Variants in SEC61G observed in about 807,000 individuals in gnomAD.
SEC61G encodes the protein SEC61 translocon subunit gamma.
Under a neutral mutation model 7.5 loss-of-function variants are expected in SEC61G, and 4 were observed. The ratio of observed to expected loss-of-function variants is 0.54; its 90% CI spans 0.26 to 1.22. The LOEUF is 1.22. SEC61G is among the 50% of genes most tolerant of loss of function. SEC61G has a pLI of 0.12. For missense variants in SEC61G, 53 were observed against 84.6 expected (o/e 0.63, Z 1.46); for synonymous variants, 24 against 24.4 (o/e 0.98, Z 0.05).
Position 54,755,898 on chromosome 7 carries a change from G to A in SEC61G, c.95-17C>T, listed in dbSNP as rs368364073. 150 of 1,506,878 alleles carry A rather than the reference G, an allele frequency of 1.0e-4. No individual in the cohort carries two copies. The African/African-American group carries it at 1.9e-3, about 19-fold the overall frequency. The allele number at this position is 1,506,878 out of a possible 1,614,324, so 93.3% of individuals were successfully genotyped here. ...TCTGGAATTCTGCATTTAAAAACAGGAAATTCACATATTTTTTGCACTGTC... is the reference window on the plus strand; with the variant it reads ...TCTGGAATTCTGCATTTAAAAACAGAAAATTCACATATTTTTTGCACTGTC... On this transcript the variant is annotated splice_polypyrimidine_tract_variant and intron_variant, in intron 2 of 3. Coordinates refer to ENST00000352861, the MANE Select transcript of SEC61G (RefSeq NM_014302.4).
chr7:54,752,985 C>T (rs979750027), intron 3 of SEC61G, among the ~76,000 whole-genome samples: 1 of 152,084 alleles, frequency 6.6e-6, no homozygotes, highest in Admixed American at 6.6e-5. Flanking sequence ...AATTCCATTA[C>T]CAGAAGAAAA....
intron 1 of SEC61G, among the ~76,000 whole-genome samples, chr7:54,758,150 T>C (rs1056053499): frequency 3.3e-5 from 5 of 152,212 alleles, no homozygotes; most frequent in African/African-American, 1.2e-4. Context: ...AACATACTTT[T>C]CTAAAGTATA....
At chr7:54,759,128 G>A in intron 1 of SEC61G, 30 bp downstream of exon 1, 2 of 516,954 alleles carry the variant, frequency 3.9e-6, no homozygotes, top group Non-Finnish European at 3.9e-6. Context: ...CGCCCCGTTC[G>A]CCCGTACCGA....
rs1791430303 is a variant in SEC61G, at chr7:54,752,337, T to C, written c.*74A>G. ...CCCACAAAACATACAGGCAAATTTG[T>C]ATTCTGTGAGTTTCTCACACCCTCA... On this transcript the variant is annotated 3_prime_UTR_variant, in exon 4 of 4. Transcript: ENST00000352861. 2.6e-5 allele frequency: 26 copies of C among 1,011,872 alleles called. No individual in the cohort carries two copies. The South Asian group carries it at 4.8e-4, about 19-fold the overall frequency. 62.7% of individuals were successfully genotyped at this position (1,011,872 alleles called of 1,614,324 possible). A position where few individuals can be genotyped will look rare whatever the true frequency, so the allele number is the denominator to read the frequency against.
chr7:54,756,905 A>G (rs2709287), intron 2 of SEC61G, among the ~76,000 whole-genome samples: 1 of 148,560 alleles, frequency 6.7e-6, no homozygotes, highest in African/African-American at 2.4e-5. Context: ...CTTTACTATA[A>G]TATATACATG....
At chr7:54,756,832 T>G (rs1791523869) in intron 2 of SEC61G, among the ~76,000 whole-genome samples, 1 of 151,580 alleles carries the variant, frequency 6.6e-6, no homozygotes. Flanking sequence ...ATAACCGCAA[T>G]AATTTGTTTA....
chr7:54,757,769 T>C (rs1361282132), intron 1 of SEC61G, among the ~76,000 whole-genome samples, 175 bp from the exon 2 acceptor site: 1 of 152,216 alleles, frequency 6.6e-6, no homozygotes, highest in Non-Finnish European at 1.5e-5. Flanking sequence ...ATATTATTTT[T>C]GGAAATTTCA....
intron 3 of SEC61G, among the ~76,000 whole-genome samples, chr7:54,754,046 C>G: frequency 6.6e-6 from 1 of 152,136 alleles, no homozygotes; most frequent in East Asian, 1.9e-4. Context: ...ATATAAATAA[C>G]AAGGCAGGCC....
intron 3 of SEC61G, chr7:54,755,048 T>C (rs1464963788): frequency 2.0e-5 from 3 of 152,230 alleles, no homozygotes; most frequent in South Asian, 2.1e-4. Context: ...AATTACCTAA[T>C]TGCTCTAATT....
At chr7:54,754,828 T>C (rs1178601065) in intron 3 of SEC61G, 1 of 152,160 alleles carries the variant, frequency 6.6e-6, no homozygotes, top group Non-Finnish European at 1.5e-5. Context: ...ACCATCACCA[T>C]CAGAAAAGGC....
intron 3 of SEC61G, among the ~76,000 whole-genome samples, chr7:54,752,843 T>C (rs1260880116): frequency 6.6e-6 from 1 of 152,208 alleles, no homozygotes; most frequent in East Asian, 1.9e-4. Context: ...CTTACCATAA[T>C]CATTCCAAAA....
intron 3 of SEC61G, chr7:54,755,448 A>G (rs1791494906): frequency 1.2e-5 from 2 of 168,332 alleles, no homozygotes; most frequent in South Asian, 4.0e-4. Flanking sequence ...GATGGGAAGC[A>G]TTTGCTCTGC....
At chr7:54,756,575 C>T (rs1583715605) in intron 2 of SEC61G, among the ~76,000 whole-genome samples, 1 of 152,284 alleles carries the variant, frequency 6.6e-6, no homozygotes, top group East Asian at 1.9e-4. Flanking sequence ...ATTGCTTGAA[C>T]CCAGGAGGCG....
intron 1 of SEC61G, 100 bp from the exon 2 acceptor site, chr7:54,757,694 C>G: frequency 1.2e-6 from 1 of 847,050 alleles, no homozygotes; most frequent in East Asian, 2.6e-5. Context: ...ACTGAATTCA[C>G]GTCTAACATG....
rs565737131 is a variant in SEC61G, at chr7:54,752,406, T to C, written c.*5A>G. 6.5e-7 allele frequency: 1 copy of C among 1,537,454 alleles called. No homozygotes were observed. Among genetic ancestry groups the C allele is most frequent in the Non-Finnish European group, 8.9e-7 (1 of 1,129,140 alleles). On this transcript the variant is annotated 3_prime_UTR_variant, in exon 4 of 4. Coordinates refer to ENST00000352861, the MANE Select transcript of SEC61G (RefSeq NM_014302.4). ...TAAGATGAAAAACTCTCTTCCAAAA[T>C]GTATTCAGCCACCACTGTAAAAGAA...
At chr7:54,755,907 AT>A (rs1791504408) in intron 2 of SEC61G, 26 bp from the exon 3 acceptor site, 1 of 1,458,826 alleles carries the variant, frequency 6.9e-7, no homozygotes. Flanking sequence ...GGAAATTCAC[AT>A]ATTTTTTGCA....
intron 3 of SEC61G, among the ~76,000 whole-genome samples, chr7:54,752,651 A>T (rs1414031517): frequency 6.6e-6 from 1 of 152,210 alleles, no homozygotes; most frequent in African/African-American, 2.4e-5. Context: ...CACAATGCTC[A>T]TTCAGGAAAT....
chr7:54,758,296 AT>A (rs1284390486), intron 1 of SEC61G, among the ~76,000 whole-genome samples: 2 of 152,238 alleles, frequency 1.3e-5, no homozygotes, highest in Non-Finnish European at 2.9e-5. Context: ...CTATTACCCA[AT>A]AGAAATGTTA....
At chr7:54,753,687 T>C (rs1434155852) in intron 3 of SEC61G, among the ~76,000 whole-genome samples, 1 of 152,212 alleles carries the variant, frequency 6.6e-6, no homozygotes, top group Non-Finnish European at 1.5e-5. Context: ...AGGTAAAAAA[T>C]ATCTAAAGAT....
Sources: gnomAD v4.1 joint callset for allele counts (sites outside exome capture counted in the v4.1 genomes callset) on GRCh38, gnomAD v4.1.1 for gene constraint, MANE v1.5 for transcripts, NCBI Gene and HGNC (gene_info 2026-07-23, HGNC 2026-07-21) for gene names.